Variants in SLIT3 observed in about 807,000 individuals in gnomAD.
SLIT3 encodes slit homolog 3 protein.
SLIT3 carries 68 observed loss-of-function variants against 184.0 expected under a neutral mutation model. That is an observed-to-expected ratio of 0.37 (90% CI 0.30 to 0.45). The LOEUF is 0.45. Among genes scored for constraint, SLIT3 ranks in the 20% least tolerant of loss-of-function variants. The probability of loss-of-function intolerance (pLI) is 1.00; values close to 1 mark genes in which losing one functional copy is unlikely to be tolerated. For synonymous variants in SLIT3, 831 were observed against 828.6 expected, an observed-to-expected ratio of 1.00 and a Z score of -0.05; for missense variants, 1,707 against 2,026.0, an observed-to-expected ratio of 0.84 and a Z score of 3.02.
At chr5:168,680,649 T>G (rs1761557863) in intron 32 of SLIT3, among the ~76,000 whole-genome samples, 1 of 152,188 alleles carries the variant, frequency 6.6e-6, no homozygotes, top group Non-Finnish European at 1.5e-5. Context: ...TTTTTGTGGT[T>G]GGACTGGCCT....
chr5:168,814,066 G>A (rs1167547317), intron 8 of SLIT3, among the ~76,000 whole-genome samples: 1 of 152,132 alleles, frequency 6.6e-6, no homozygotes, highest in East Asian at 1.9e-4. Context: ...CAGGTGAATA[G>A]CTTGAATGAG....
intron 1 of SLIT3, among the ~76,000 whole-genome samples, chr5:169,279,243 T>C (rs2113643818): frequency 6.6e-6 from 1 of 152,192 alleles, no homozygotes; most frequent in East Asian, 1.9e-4. Context: ...AAACAAAGTG[T>C]GAGTGAAGGG....
In SLIT3 at chr5:168,724,499, G is replaced by A; in HGVS notation, c.2271-15C>T. The A allele has an allele frequency of 1.9e-6, 3 of 1,609,262 alleles. No homozygotes were observed. The highest frequency in any genetic ancestry group is 2.5e-6 in the Non-Finnish European group (3 of 1,176,600). ...CTTCCAGGTACCTGAAAGAGGTGTG[G>A]AGAGACAACACCTGAGAAAGAGACA... On this transcript the variant is annotated splice_polypyrimidine_tract_variant and intron_variant, in intron 20 of 35. Coordinates refer to ENST00000519560, the MANE Select transcript of SLIT3 (RefSeq NM_003062.4).
intron 5 of SLIT3, among the ~76,000 whole-genome samples, chr5:168,862,018 G>C (rs956443606): frequency 6.6e-6 from 1 of 152,166 alleles, no homozygotes; most frequent in Non-Finnish European, 1.5e-5. Flanking sequence ...CACCAACACT[G>C]TCCTTAGAGA....
chr5:168,809,573 G>A (rs771066760), intron 8 of SLIT3, among the ~76,000 whole-genome samples: 3 of 152,154 alleles, frequency 2.0e-5, no homozygotes, highest in Non-Finnish European at 4.4e-5. Context: ...TGTGGGCCAC[G>A]GAGAGCTAGA....
chr5:168,932,276 G>A (rs1171028354), intron 4 of SLIT3, among the ~76,000 whole-genome samples: 1 of 95,006 alleles, frequency 1.1e-5, no homozygotes, highest in Non-Finnish European at 2.1e-5. Context: ...TTTTTTTTTG[G>A]TACAAGGCAC....
At position 169,096,775 on chromosome 5, in the gene SLIT3, T is replaced by C. The variant is rs1283976317; in HGVS notation, c.413+96704A>G. 2.6e-5 allele frequency among the ~76,000 whole-genome samples: 4 copies of C among 152,320 alleles called. No individual in the cohort carries two copies. In the Middle Eastern group the frequency reaches 0.01, roughly 389 times the overall value. ...TCCATTCAACATTCCTATGTAGTAG[T>C]AGAATCCATACTCCCACTGAGTCAA... On this transcript the variant is annotated intron_variant, in intron 4 of 35. Coordinates refer to ENST00000519560, the MANE Select transcript of SLIT3 (RefSeq NM_003062.4).
intron 1 of SLIT3, among the ~76,000 whole-genome samples, chr5:169,284,128 C>T (rs543413494): frequency 1.3e-5 from 2 of 152,332 alleles, no homozygotes; most frequent in Non-Finnish European, 2.9e-5. Context: ...AACATGTTTG[C>T]CCACGGCTGC....
chr5:168,907,511 T>C (rs528677220), intron 4 of SLIT3, among the ~76,000 whole-genome samples: 9 of 152,206 alleles, frequency 5.9e-5, no homozygotes, highest in African/African-American at 2.2e-4. Context: ...CAGTCGTGAG[T>C]TCTGGGTTTG....
intron 4 of SLIT3, among the ~76,000 whole-genome samples, chr5:169,005,060 A>G (rs989205850): frequency 6.6e-6 from 1 of 152,242 alleles, no homozygotes; most frequent in Non-Finnish European, 1.5e-5. Flanking sequence ...TTCCAACAGC[A>G]GGAATACTTC....
chr5:168,931,064 C>A (rs1019081671), intron 4 of SLIT3, among the ~76,000 whole-genome samples: 1 of 152,168 alleles, frequency 6.6e-6, no homozygotes, highest in Non-Finnish European at 1.5e-5. Flanking sequence ...CGGCCCAACA[C>A]CCTCCTGGTC....
At chr5:168,841,917 T>C (rs1758267941) in intron 6 of SLIT3, among the ~76,000 whole-genome samples, 1 of 152,228 alleles carries the variant, frequency 6.6e-6, no homozygotes, top group Non-Finnish European at 1.5e-5. Flanking sequence ...TTTTAAGCTT[T>C]AGATATTTTA....
At chr5:168,962,739 C>A (rs1256320132) in intron 4 of SLIT3, among the ~76,000 whole-genome samples, 2 of 151,210 alleles carry the variant, frequency 1.3e-5, no homozygotes, top group African/African-American at 2.4e-5. Flanking sequence ...ATGAAGAAAG[C>A]TGGGAGGGAT....
intron 10 of SLIT3, among the ~76,000 whole-genome samples, chr5:168,794,642 A>C (rs1204457260): frequency 6.6e-6 from 1 of 152,082 alleles, no homozygotes; most frequent in Non-Finnish European, 1.5e-5. Context: ...TGTTGACCAT[A>C]CCCTCCGAGG....
chr5:168,798,208 T>TTTCTTC (rs58233644), intron 9 of SLIT3, among the ~76,000 whole-genome samples: 3,052 of 129,024 alleles, frequency 0.024, 269 homozygotes, highest in African/African-American at 0.098. Context: ...TTGGTTTTCT[T>TTTCTTC]TTCTTCTTCT....
chr5:168,844,097 G>C lies in SLIT3; in HGVS notation c.557+487C>G, dbSNP rs929251926. On this transcript the variant is annotated intron_variant, in intron 6 of 35. Coordinates refer to ENST00000519560, the MANE Select transcript of SLIT3 (RefSeq NM_003062.4). ...TGACTGGGCTTTCCCAGGCTGTGTG[G>C]CATTCCCCTGCCCTGTGCCAAGGTC... Among the ~76,000 whole-genome samples the C allele has an allele frequency of 2.6e-5, 4 of 151,840 alleles. No individual in the cohort carries two copies. In the South Asian group the frequency reaches 6.2e-4, roughly 24 times the overall value.
At chr5:168,834,140 G>C (rs1561958046) in intron 6 of SLIT3, among the ~76,000 whole-genome samples, 1 of 152,142 alleles carries the variant, frequency 6.6e-6, no homozygotes, top group Admixed American at 6.5e-5. Flanking sequence ...GGGGTTAATG[G>C]GCTTGGTTCC....
At chr5:169,278,376 G>A (rs537663638) in intron 1 of SLIT3, among the ~76,000 whole-genome samples, 180 of 152,304 alleles carry the variant, frequency 1.2e-3, no homozygotes, top group African/African-American at 4.1e-3. Flanking sequence ...AAAGCAGTGG[G>A]CTAAACAGAC....
intron 4 of SLIT3, among the ~76,000 whole-genome samples, chr5:168,940,329 G>A (rs1191598900): frequency 6.6e-6 from 1 of 152,158 alleles, no homozygotes; most frequent in Admixed American, 6.5e-5. Context: ...CTAGTTCTTT[G>A]TGCAGTGTGG....
Sources: allele counts gnomAD v4.1 joint callset (sites outside exome capture counted in the v4.1 genomes callset), GRCh38; gene constraint gnomAD v4.1.1; transcripts MANE v1.5; gene names NCBI Gene and HGNC (gene_info 2026-07-23, HGNC 2026-07-21).